The following PLXNA4 variants were observed in gnomAD, a reference collection of about 807,000 sequenced individuals.
PLXNA4 encodes plexin-A4.
PLXNA4 carries 44 observed loss-of-function variants against 191.8 expected under a neutral mutation model. The observed-to-expected ratio is 0.23, with a 90% confidence interval of 0.18 to 0.29. The LOEUF is 0.29. Among genes scored for constraint, PLXNA4 ranks in the 10% least tolerant of loss-of-function variants. PLXNA4 has a pLI of 1.00. For missense variants in PLXNA4, 1,800 were observed against 2,488.8 expected (o/e 0.72, Z 5.89); for synonymous variants, 1,082 against 1,009.5 (o/e 1.07, Z -1.36).
intron 1 of PLXNA4, among the ~76,000 whole-genome samples, chr7:132,561,760 CCTT>C (rs1431836761): frequency 8.6e-5 from 12 of 139,302 alleles, no homozygotes; most frequent in African/African-American, 2.7e-4. Flanking sequence ...TCCTCCTCCT[CCTT>C]CTCCTCCTTC....
chr7:132,439,995 AGTGTGT>A (rs3067108), intron 3 of PLXNA4, among the ~76,000 whole-genome samples: 7 of 150,090 alleles, frequency 4.7e-5, no homozygotes, highest in African/African-American at 1.7e-4. Context: ...TGCATGTGTG[AGTGTGT>A]GTGTGTGTGT....
chr7:132,228,019 G>T (rs1798388335), intron 6 of PLXNA4, among the ~76,000 whole-genome samples: 1 of 152,098 alleles, frequency 6.6e-6, no homozygotes, highest in African/African-American at 2.4e-5. Context: ...CTCTGTACAT[G>T]CATCTTTCCC....
chr7:132,502,120 G>C (rs181103922), intron 2 of PLXNA4, among the ~76,000 whole-genome samples: 1 of 152,374 alleles, frequency 6.6e-6, no homozygotes, highest in East Asian at 1.9e-4. Flanking sequence ...AGCCTGGGAT[G>C]CCTGCCTGGC....
At chr7:132,197,117 G>A (rs760467633) in intron 13 of PLXNA4, among the ~76,000 whole-genome samples, 3 of 151,814 alleles carry the variant, frequency 2.0e-5, no homozygotes, top group Admixed American at 6.6e-5. Context: ...GTTATACTTC[G>A]CACAAGTTCC....
chr7:132,139,045 C>A (rs1795192270), intron 30 of PLXNA4, among the ~76,000 whole-genome samples: 1 of 152,198 alleles, frequency 6.6e-6, no homozygotes, highest in Non-Finnish European at 1.5e-5. Context: ...CTGCTCCTGG[C>A]AGCTCTATTG....
At chr7:132,360,497 C>T in intron 3 of PLXNA4, among the ~76,000 whole-genome samples, 1 of 152,190 alleles carries the variant, frequency 6.6e-6, no homozygotes, top group Admixed American at 6.5e-5. Flanking sequence ...CTCAGTTTCT[C>T]TTTAGGACTA....
chr7:132,591,698 G>T (rs1202528309), intron 2 of PLXNA4, among the ~76,000 whole-genome samples: 1 of 152,116 alleles, frequency 6.6e-6, no homozygotes, highest in Non-Finnish European at 1.5e-5. Flanking sequence ...CTTAGCACAG[G>T]ACTAGGAGCG....
chr7:132,194,139 C>A lies in PLXNA4; in HGVS notation c.2779G>T (p.Ala927Ser), dbSNP rs776813941. 7 of 1,613,974 alleles carry A rather than the reference C, an allele frequency of 4.3e-6. No homozygotes were observed. Among genetic ancestry groups the A allele is most frequent in the Non-Finnish European group, 5.9e-6 (7 of 1,179,870 alleles). Reference sequence around the variant, plus strand: ...GCCACGCAGATCTCCACGAAGCCTGCATGCTGGCTGGGCTTGGCCTCCCCC... The same window carrying A: ...GCCACGCAGATCTCCACGAAGCCTGAATGCTGGCTGGGCTTGGCCTCCCCC... ...EMGEAKPSQHAGFVEICVAVC... is the reference protein window; with the variant it reads ...EMGEAKPSQHSGFVEICVAVC... The change falls in exon 14 of 32, where the codon GCA becomes TCA. Residue 927 changes from alanine to serine, a missense_variant. Coordinates refer to ENST00000321063, the MANE Select transcript of PLXNA4 (RefSeq NM_020911.2).
chr7:132,271,259 G>C (rs1455913317), intron 4 of PLXNA4: 1 of 152,118 alleles, frequency 6.6e-6, no homozygotes, highest in Non-Finnish European at 1.5e-5. Flanking sequence ...AAAATGTTAT[G>C]TGTTAAAGTT....
chr7:132,359,527 C>T (rs1382178989), intron 3 of PLXNA4, among the ~76,000 whole-genome samples: 1 of 152,040 alleles, frequency 6.6e-6, no homozygotes, highest in East Asian at 1.9e-4. Context: ...GTCAAGGCTC[C>T]TAATACCTGT....
chr7:132,562,641 TTTCTCCTCCTCCTCCTCC>T (rs1307124774), intron 1 of PLXNA4, among the ~76,000 whole-genome samples: 8 of 54,644 alleles, frequency 1.5e-4, no homozygotes, highest in African/African-American at 6.7e-4. Context: ...TCTCCTCCTC[TTTCTCCTCCTCCTCCTCC>T]TTCTCTTCCT....
chr7:132,519,665 G>A lies in PLXNA4; in HGVS notation c.-86-10886C>T, dbSNP rs569569018. Among the ~76,000 whole-genome samples, 3 of 152,318 alleles carry A rather than the reference G, an allele frequency of 2.0e-5. No homozygotes were observed. In the South Asian group the frequency reaches 6.2e-4, roughly 32 times the overall value. ...GCCCCAGTAGGCAAAGCCACATTCA[G>A]TGGTCTTCACCCAAATGAGCTCCTT... On this transcript the variant is annotated intron_variant, in intron 1 of 31. Coordinates refer to ENST00000321063, the MANE Select transcript of PLXNA4 (RefSeq NM_020911.2).
intron 20 of PLXNA4, among the ~76,000 whole-genome samples, chr7:132,179,399 C>T (rs1796623892): frequency 6.6e-6 from 1 of 150,674 alleles, no homozygotes; most frequent in Non-Finnish European, 1.5e-5. Flanking sequence ...TATACACATA[C>T]ACAGATGCGC....
intron 3 of PLXNA4, among the ~76,000 whole-genome samples, chr7:132,407,959 T>G (rs759394335): frequency 2.6e-5 from 4 of 152,148 alleles, no homozygotes; most frequent in Non-Finnish European, 5.9e-5. Context: ...AGCCAATCTT[T>G]AATGTGTTCA....
chr7:132,131,939 C>G (rs1794940810), intron 31 of PLXNA4, among the ~76,000 whole-genome samples: 1 of 152,208 alleles, frequency 6.6e-6, no homozygotes, highest in Admixed American at 6.5e-5. Flanking sequence ...GGGTCTGCTT[C>G]TTTAACTGGG....
chr7:132,496,308 G>C (rs934111527), intron 2 of PLXNA4, among the ~76,000 whole-genome samples: 1 of 152,184 alleles, frequency 6.6e-6, no homozygotes, highest in Admixed American at 6.5e-5. Context: ...TGGAGAGTGA[G>C]GTGCCTCCCC....
chr7:132,346,801 A>G (rs1803261855), intron 3 of PLXNA4, among the ~76,000 whole-genome samples: 1 of 152,226 alleles, frequency 6.6e-6, no homozygotes, highest in South Asian at 2.1e-4. Flanking sequence ...CATTTGGATG[A>G]GTCCAGGCTC....
intron 2 of PLXNA4, among the ~76,000 whole-genome samples, chr7:132,494,580 C>T (rs146665488): frequency 1.5e-4 from 23 of 152,280 alleles, no homozygotes; most frequent in East Asian, 1.2e-3. Flanking sequence ...GGGCCTGCCA[C>T]GCAGTGTGGT....
At chr7:132,288,350 G>A (rs552151390) in intron 4 of PLXNA4, among the ~76,000 whole-genome samples, 6 of 152,316 alleles carry the variant, frequency 3.9e-5, no homozygotes, top group South Asian at 2.1e-4. Flanking sequence ...CAGTTCTGCC[G>A]TGGTAAAATG....
Sources: allele counts gnomAD v4.1 joint callset (sites outside exome capture counted in the v4.1 genomes callset), GRCh38; gene constraint gnomAD v4.1.1; transcripts MANE v1.5; gene names NCBI Gene and HGNC (gene_info 2026-07-23, HGNC 2026-07-21).